Variants in ME3 observed in about 807,000 individuals in gnomAD.
ME3 encodes the protein malic enzyme 3.
Under a neutral mutation model 68.9 loss-of-function variants are expected in ME3, and 48 were observed. That is an observed-to-expected ratio of 0.70 (90% CI 0.55 to 0.89). The LOEUF (loss-of-function observed/expected upper bound fraction) is 0.89, where lower values mean the gene tolerates loss of function less well. Ranked by LOEUF, ME3 falls within the 40% of genes least tolerant of loss-of-function variation. ME3 has a pLI of 0.00. For synonymous variants in ME3, 320 were observed against 318.8 expected, an observed-to-expected ratio of 1.00 and a Z score of -0.04; for missense variants, 675 against 797.4, an observed-to-expected ratio of 0.85 and a Z score of 1.85.
intron 6 of ME3, among the ~76,000 whole-genome samples, chr11:86,493,754 G>A (rs1952137854): frequency 6.6e-6 from 1 of 152,198 alleles, no homozygotes; most frequent in African/African-American, 2.4e-5. Flanking sequence ...TAAAAGTGAT[G>A]CAGAGTTTCA....
chr11:86,632,503 G>C (rs2135332573), intron 2 of ME3, among the ~76,000 whole-genome samples: 1 of 152,284 alleles, frequency 6.6e-6, no homozygotes, highest in East Asian at 1.9e-4. Context: ...TTGGGAATTA[G>C]TCCTCAGGAT....
At chr11:86,614,021 T>C (rs570527722) in intron 2 of ME3, among the ~76,000 whole-genome samples, 15 of 152,298 alleles carry the variant, frequency 9.8e-5, no homozygotes, top group African/African-American at 3.6e-4. Flanking sequence ...AAGACAATCC[T>C]AAGCAAAAAG....
intron 2 of ME3, among the ~76,000 whole-genome samples, chr11:86,565,140 G>C (rs1164048957): frequency 6.6e-6 from 1 of 152,066 alleles, no homozygotes; most frequent in Non-Finnish European, 1.5e-5. Flanking sequence ...GCCACAATAT[G>C]ATACACTGTA....
At chr11:86,613,750 A>G (rs1003738339) in intron 2 of ME3, among the ~76,000 whole-genome samples, 1 of 152,158 alleles carries the variant, frequency 6.6e-6, no homozygotes, top group African/African-American at 2.4e-5. Context: ...ACCTAGGAAT[A>G]CAGCTAACAA....
rs953627795 is a variant in ME3, at chr11:86,653,038, G to A, written c.183+18724C>T. ...GGTAAAGGGATCAATTCAACAAGAA[G>A]AGCTAACTATCCTAAGTATATATGC... On this transcript the variant is annotated intron_variant, in intron 2 of 14. Coordinates refer to ENST00000543262, the Ensembl canonical transcript of ME3. Among the ~76,000 whole-genome samples the A allele has an allele frequency of 3.9e-5, 6 of 152,164 alleles. 1 individual carries two copies. Among genetic ancestry groups the A allele is most frequent in the East Asian group, 1.9e-4 (1 of 5,182 alleles).
intron 4 of ME3, among the ~76,000 whole-genome samples, chr11:86,540,195 T>C (rs1357344479): frequency 6.6e-6 from 1 of 152,214 alleles, no homozygotes; most frequent in Non-Finnish European, 1.5e-5. Flanking sequence ...GATTGAATGA[T>C]GGTTGCCAGG....
intron 7 of ME3, among the ~76,000 whole-genome samples, chr11:86,477,462 AAG>A (rs1454521596): frequency 8.0e-5 from 11 of 137,658 alleles, no homozygotes; most frequent in African/African-American, 2.8e-4. Context: ...TTAAATAATT[AAG>A]AGTTATTATT....
chr11:86,516,037 G>C (rs1183016930), intron 4 of ME3, among the ~76,000 whole-genome samples: 1 of 152,130 alleles, frequency 6.6e-6, no homozygotes, highest in Non-Finnish European at 1.5e-5. Flanking sequence ...ACTCCTCTGA[G>C]TCATTAGAAT....
intron 4 of ME3, among the ~76,000 whole-genome samples, chr11:86,510,827 G>A (rs1953465252): frequency 6.6e-6 from 1 of 152,080 alleles, no homozygotes; most frequent in Non-Finnish European, 1.5e-5. Context: ...TACCTCAAAG[G>A]TACTTCAAAC....
chr11:86,636,263 CTTTTTT>C (rs34315700), intron 2 of ME3, among the ~76,000 whole-genome samples: 1 of 148,530 alleles, frequency 6.7e-6, no homozygotes, highest in South Asian at 2.1e-4. Flanking sequence ...GTTTTTCTTT[CTTTTTT>C]TTTTTGTTTG....
intron 5 of ME3, 70 bp from the exon 6 acceptor site, chr11:86,498,194 C>A: frequency 6.6e-7 from 1 of 1,517,468 alleles, no homozygotes; most frequent in Non-Finnish European, 8.8e-7. Context: ...TTTAGCAGCC[C>A]CAGCCCATCA....
Position 86,501,386 on chromosome 11 carries a change from A to G in ME3, c.544-3262T>C, listed in dbSNP as rs117818646. On this transcript the variant is annotated intron_variant, in intron 5 of 14. Coordinates refer to ENST00000543262, the Ensembl canonical transcript of ME3. ...GATCTCTCCAGTTTATCATTAACAC[A>G]GAAAGACCATGCAATAATTATCTGT... Among the ~76,000 whole-genome samples, 1,057 of 152,344 alleles carry G rather than the reference A, an allele frequency of 6.9e-3. 4 individuals are homozygous for G. The highest frequency in any genetic ancestry group is 0.01 in the Non-Finnish European group (698 of 68,034).
chr11:86,472,653 TTTCAGTC>T (rs1325926390), intron 7 of ME3, among the ~76,000 whole-genome samples: 3 of 152,206 alleles, frequency 2.0e-5, no homozygotes, highest in African/African-American at 7.2e-5. Flanking sequence ...TTGATACAAA[TTTCAGTC>T]TTCACTGATA....
At chr11:86,480,248 CTA>C (rs1211757117) in intron 7 of ME3, among the ~76,000 whole-genome samples, 4 of 152,232 alleles carry the variant, frequency 2.6e-5, no homozygotes, top group Non-Finnish European at 4.4e-5. Flanking sequence ...CTTCAAGCTT[CTA>C]TGATGAGTTT....
intron 6 of ME3, among the ~76,000 whole-genome samples, chr11:86,492,499 A>T (rs1952065624): frequency 6.6e-6 from 1 of 152,206 alleles, no homozygotes; most frequent in Non-Finnish European, 1.5e-5. Flanking sequence ...CAGGGTGGGG[A>T]CCAGGCTTAT....
chr11:86,533,937 C>T (rs1195420366), intron 4 of ME3, among the ~76,000 whole-genome samples: 1 of 152,090 alleles, frequency 6.6e-6, no homozygotes, highest in African/African-American at 2.4e-5. Context: ...CGTGGCATAG[C>T]CTATTGCTCC....
chr11:86,515,796 G>T (rs773882474), intron 4 of ME3, among the ~76,000 whole-genome samples: 1 of 152,126 alleles, frequency 6.6e-6, no homozygotes, highest in Non-Finnish European at 1.5e-5. Flanking sequence ...CCTTGAGAAT[G>T]AGTCAAAACC....
chr11:86,622,826 G>C (rs368807309), intron 2 of ME3: 3 of 151,902 alleles, frequency 2.0e-5, no homozygotes, highest in Non-Finnish European at 2.9e-5. Flanking sequence ...CTTTGTCTTT[G>C]AAGTTTTCAC....
At position 86,481,240 on chromosome 11, in the gene ME3, C is replaced by T. The variant is rs545039527; in HGVS notation, c.809+6097G>A. 4.6e-3 allele frequency among the ~76,000 whole-genome samples: 449 copies of T among 97,532 alleles called. 3 individuals carry two copies. The highest frequency in any genetic ancestry group is 0.016 in the African/African-American group (400 of 24,836). 64.0% of individuals were successfully genotyped at this position (97,532 alleles called of 152,430 possible). A position where few individuals can be genotyped will look rare whatever the true frequency, so the allele number is the denominator to read the frequency against. ...TTTTTTTTTTTTTTTTTTTGGGAGA[C>T]GGGGGTGTCACTATGTTGCCTGGGC... On this transcript the variant is annotated intron_variant, in intron 7 of 14. Coordinates refer to ENST00000543262, the Ensembl canonical transcript of ME3.
Sources: gnomAD v4.1 joint callset for allele counts (sites outside exome capture counted in the v4.1 genomes callset) on GRCh38, gnomAD v4.1.1 for gene constraint, MANE v1.5 for transcripts, NCBI Gene and HGNC (gene_info 2026-07-23, HGNC 2026-07-21) for gene names.